The following CCZ1 variants were observed in gnomAD, a reference collection of about 807,000 sequenced individuals.
CCZ1 encodes CCZ1 vacuolar protein trafficking and biogenesis associated.
CCZ1 carries 19 observed loss-of-function variants against 57.8 expected under a neutral mutation model. The ratio of observed to expected loss-of-function variants is 0.33; its 90% CI spans 0.23 to 0.48. CCZ1 has a LOEUF of 0.48. CCZ1 is among the 20% of genes least tolerant of loss of function. The pLI is 0.99. For synonymous variants in CCZ1, 81 were observed against 167.0 expected, an observed-to-expected ratio of 0.49 and a Z score of 3.97; for missense variants, 200 against 492.0, an observed-to-expected ratio of 0.41 and a Z score of 5.61.
intron 7 of CCZ1, among the ~76,000 whole-genome samples, chr7:5,905,775 T>TTTTTTTTTTTTTTTTTTTTTTTTTGGG (rs1451891497): frequency 2.7e-5 from 2 of 74,622 alleles, no homozygotes; most frequent in South Asian, 6.8e-4. Context: ...AGAGAGACTC[T>TTTTTTTTTTTTTTTTTTTTTTTTTGGG]GTCTCCAAAA....
chr7:5,920,487 T>TTTTTTTTTTA, intron 12 of CCZ1, among the ~76,000 whole-genome samples: 1 of 117,396 alleles, frequency 8.5e-6, no homozygotes, highest in South Asian at 2.4e-4. Flanking sequence ...TTTTTTTTTT[T>TTTTTTTTTTA]GAGACAAATT....
chr7:5,914,974 ATAAG>A (rs1489649306), intron 10 of CCZ1, among the ~76,000 whole-genome samples: 1 of 146,680 alleles, frequency 6.8e-6, no homozygotes, highest in African/African-American at 2.5e-5. Flanking sequence ...CGTCAGCAGA[ATAAG>A]TGAGCACACC....
At chr7:5,899,696 G>A (rs1464442163) in intron 1 of CCZ1, among the ~76,000 whole-genome samples, 8 of 149,276 alleles carry the variant, frequency 5.4e-5, no homozygotes, top group Non-Finnish European at 1.2e-4. Context: ...GAGCCCAAGT[G>A]ATTGAGGCTG....
In CCZ1 at chr7:5,926,259, C is replaced by CA. The variant is rs1442775173; in HGVS notation, c.*574dup. The CA allele has an allele frequency of 1.5e-6, 1 of 652,126 alleles. No individual in the cohort carries two copies. Among genetic ancestry groups the CA allele is most frequent in the African/African-American group, 2.0e-5 (1 of 50,256 alleles). The allele number at this position is 652,126 out of a possible 1,614,324, so 40.4% of individuals were successfully genotyped here. ...GTAGGAAACCTGAGATGCAGTGGGC[C>CA]AAGGGGTATGTTAAAACACTGTGAC... On this transcript the variant is annotated 3_prime_UTR_variant, in exon 15 of 15. Coordinates refer to ENST00000325974, the MANE Select transcript of CCZ1 (RefSeq NM_015622.6).
chr7:5,907,940 G>GA (rs11325816), intron 7 of CCZ1, among the ~76,000 whole-genome samples: 27 of 137,276 alleles, frequency 2.0e-4, no homozygotes, highest in Middle Eastern at 3.8e-3. Context: ...ACAAAAAATG[G>GA]AAAAAAAAAA....
chr7:5,920,950 G>GTT (rs1779229812), intron 12 of CCZ1, among the ~76,000 whole-genome samples: 2 of 85,522 alleles, frequency 2.3e-5, no homozygotes, highest in Non-Finnish European at 4.5e-5. Flanking sequence ...TTGTTTTTTG[G>GTT]GTTTTTTTTT....
intron 9 of CCZ1, among the ~76,000 whole-genome samples, chr7:5,912,421 GTC>G (rs968939921): frequency 3.6e-5 from 3 of 83,206 alleles, no homozygotes; most frequent in African/African-American, 1.0e-4. Flanking sequence ...GAGATGGAGT[GTC>G]TCTCTGTCGC....
chr7:5,911,159 G>A lies in CCZ1; in HGVS notation c.781-702G>A, dbSNP rs142086079. ...CCTAATTTTCAGTAGATGTTTTAGT[G>A]CCTACCCGGCTTTCCACTCTAGTAC... On this transcript the variant is annotated intron_variant, in intron 8 of 14. Coordinates refer to ENST00000325974, the MANE Select transcript of CCZ1 (RefSeq NM_015622.6). 1.4e-3 allele frequency among the ~76,000 whole-genome samples: 202 copies of A among 149,214 alleles called. 16 individuals are homozygous for A. Among genetic ancestry groups the A allele is most frequent in the African/African-American group, 4.7e-3 (188 of 40,362 alleles).
In CCZ1 at chr7:5,903,274, T is replaced by G. The variant is rs1781725708; in HGVS notation, c.522+530T>G. Among the ~76,000 whole-genome samples, 2 of 144,618 alleles carry G rather than the reference T, an allele frequency of 1.4e-5. 1 individual carries two copies. The highest frequency in any genetic ancestry group is 3.0e-5 in the Non-Finnish European group (2 of 66,930). The allele number at this position is 144,618 out of a possible 152,430, so 94.9% of individuals were successfully genotyped here. ...ATTTTGCATGTTTCACCCTACCTTG[T>G]CAAGCTCAGTTTATCTTTTTTTTAA... On this transcript the variant is annotated intron_variant, in intron 6 of 14. Coordinates refer to ENST00000325974, the MANE Select transcript of CCZ1 (RefSeq NM_015622.6).
intron 6 of CCZ1, among the ~76,000 whole-genome samples, chr7:5,903,072 A>C (rs1238600547): frequency 6.7e-6 from 1 of 148,518 alleles, no homozygotes; most frequent in Non-Finnish European, 1.5e-5. Flanking sequence ...TGTGTGATAG[A>C]TTAGTTGATA....
At chr7:5,913,072 C>T in intron 10 of CCZ1, 118 bp downstream of exon 10, 1 of 737,644 alleles carries the variant, frequency 1.4e-6, no homozygotes, top group Non-Finnish European at 2.2e-6. Context: ...ATTGGAAGTT[C>T]TGATTATGGT....
chr7:5,910,071 C>G lies in CCZ1; in HGVS notation c.735C>G (p.Tyr245Ter). ...AACAAGATGACATGAGAATTTTATACAAATACCTTACCACCTCCCTTTTTC... is the reference window on the plus strand; with the variant it reads ...AACAAGATGACATGAGAATTTTATAGAAATACCTTACCACCTCCCTTTTTC... ...GLEQDDMRIL[Y>*]KYLTTSLFPR... The change falls in exon 8 of 15, where the codon TAC becomes TAG. Residue 245 changes from tyrosine (Y) to a stop codon, truncating the protein, a stop_gained. Coordinates refer to ENST00000325974, the MANE Select transcript of CCZ1 (RefSeq NM_015622.6). LOFTEE classifies it high-confidence loss of function. 1.3e-6 allele frequency: 2 copies of G among 1,588,156 alleles called. No homozygotes were observed. The highest frequency in any genetic ancestry group is 1.7e-6 in the Non-Finnish European group (2 of 1,161,418).
In CCZ1 at chr7:5,906,328, T is replaced by C. The variant is rs1357154169; in HGVS notation, c.698+1059T>C. On this transcript the variant is annotated intron_variant, in intron 7 of 14. Transcript: ENST00000325974. Reference sequence around the variant, plus strand: ...AGAGCCCACTTTCTTTCTTTCTTTTTTTTTTTTTTTTTTGAGACGGAGTCT... The same window carrying C: ...AGAGCCCACTTTCTTTCTTTCTTTTCTTTTTTTTTTTTTGAGACGGAGTCT... 1.3e-3 allele frequency among the ~76,000 whole-genome samples: 144 copies of C among 110,626 alleles called. 3 individuals are homozygous for C. The highest frequency in any genetic ancestry group is 1.7e-3 in the Non-Finnish European group (94 of 56,854). The allele number at this position is 110,626 out of a possible 152,430, so 72.6% of individuals were successfully genotyped here.
chr7:5,912,019 T>A, intron 9 of CCZ1, 97 bp downstream of exon 9: 1 of 1,578,184 alleles, frequency 6.3e-7, no homozygotes, highest in Non-Finnish European at 8.6e-7. Context: ...AGTGGCAAGA[T>A]CTCCGCTCAC....
rs1224985477 is a variant in CCZ1 at position 5,904,614 on chromosome 7, C to T, written c.523-480C>T. 2.7e-5 allele frequency among the ~76,000 whole-genome samples: 4 copies of T among 146,380 alleles called. 1 individual carries two copies. The highest frequency in any genetic ancestry group is 1.3e-4 in the Admixed American group (2 of 14,936). On this transcript the variant is annotated intron_variant, in intron 6 of 14. Coordinates refer to ENST00000325974, the MANE Select transcript of CCZ1 (RefSeq NM_015622.6). ...TTGGGAGGCCGAGGCAGGCAGATCACGAGTCAGGAGATTGAGACCATCCTG... is the reference window on the plus strand; with the variant it reads ...TTGGGAGGCCGAGGCAGGCAGATCATGAGTCAGGAGATTGAGACCATCCTG...
chr7:5,910,543 G>A (rs1379715790), intron 8 of CCZ1, among the ~76,000 whole-genome samples: 1 of 145,860 alleles, frequency 6.9e-6, no homozygotes, highest in African/African-American at 2.5e-5. Flanking sequence ...GGCCAGGCTG[G>A]TCTCGAACTC....
intron 7 of CCZ1, among the ~76,000 whole-genome samples, chr7:5,908,588 C>T (rs1047610299): frequency 1.4e-5 from 2 of 147,632 alleles, no homozygotes; most frequent in African/African-American, 5.0e-5. Flanking sequence ...CCATGTTGGC[C>T]AGGCTGGTGT....
chr7:5,910,275 C>CCACATGCAGCTCT (rs1781939500), intron 8 of CCZ1, 159 bp downstream of exon 8: 2 of 570,512 alleles, frequency 3.5e-6, no homozygotes, highest in African/African-American at 3.8e-5. Context: ...GCACAGAAAA[C>CCACATGCAGCTCT]CACATGCAGC....
intron 3 of CCZ1, 128 bp downstream of exon 3, chr7:5,900,694 A>G (rs1781666934): frequency 7.2e-7 from 1 of 1,389,232 alleles, no homozygotes; most frequent in Non-Finnish European, 9.6e-7. Context: ...ATTGGTTGCA[A>G]TTTTAAAATC....
Sources: gnomAD v4.1 joint callset for allele counts (sites outside exome capture counted in the v4.1 genomes callset) on GRCh38, gnomAD v4.1.1 for gene constraint, MANE v1.5 for transcripts, NCBI Gene and HGNC (gene_info 2026-07-23, HGNC 2026-07-21) for gene names.